EFCAB8: variants seen among roughly 807,000 people sequenced by gnomAD.
EFCAB8 encodes the protein EF-hand calcium binding domain 8, also known as EF-hand calcium-binding domain-containing protein 8.
Under a neutral mutation model 116.3 loss-of-function variants are expected in EFCAB8, and 100 were observed. The ratio of observed to expected loss-of-function variants is 0.86; its 90% CI spans 0.73 to 1.02. EFCAB8 has a LOEUF of 1.02. EFCAB8 is among the 50% of genes least tolerant of loss of function. The probability of loss-of-function intolerance (pLI) is 0.00; values close to 1 mark genes in which losing one functional copy is unlikely to be tolerated. For synonymous variants in EFCAB8, 558 were observed against 567.9 expected, an observed-to-expected ratio of 0.98 and a Z score of 0.25; for missense variants, 1,320 against 1,416.9, an observed-to-expected ratio of 0.93 and a Z score of 1.10.
At chr20:32,893,751 C>G (rs2146214078) in intron 9 of EFCAB8, among the ~76,000 whole-genome samples, 1 of 152,232 alleles carries the variant, frequency 6.6e-6, no homozygotes, top group East Asian at 1.9e-4. Context: ...CTCTGTGGAG[C>G]CTGGGCATGG....
chr20:32,861,369 A>G lies in EFCAB8; in HGVS notation c.-11+2363A>G, dbSNP rs1984105984. Among the ~76,000 whole-genome samples, 3 of 151,984 alleles carry G rather than the reference A, an allele frequency of 2.0e-5. No individual in the cohort carries two copies. The South Asian group carries it at 6.3e-4, about 32-fold the overall frequency. On this transcript the variant is annotated intron_variant, in intron 1 of 26. Transcript: ENST00000400522. ...AATGGCACAATCTCGGCTCACCGCA[A>G]CCTCCGCCTCCTGGATTCAAGCAGT...
Position 32,920,133 on chromosome 20 carries a change from A to G in EFCAB8, c.2330A>G (p.Gln777Arg), listed in dbSNP as rs1393819359. Reference sequence around the variant, plus strand: ...CAGTCAAGCAAGATCCACAGCAAACAGTCCATTTACAAAGAGGATGAAACG... The same window carrying G: ...CAGTCAAGCAAGATCCACAGCAAACGGTCCATTTACAAAGAGGATGAAACG... ...SRQSSKIHSK[Q>R]SIYKEDETRK... The change falls in exon 20 of 27, where the codon CAG becomes CGG. Residue 777 changes from glutamine (Q) to arginine (R), a missense_variant. By Grantham distance (43) the Gln-to-Arg change is conservative. Coordinates refer to ENST00000400522, the MANE Select transcript of EFCAB8 (RefSeq NM_001143967.2). 1 of 1,551,630 alleles carries G rather than the reference A, an allele frequency of 6.4e-7. No individual in the cohort carries two copies. The highest frequency in any genetic ancestry group is 8.7e-7 in the Non-Finnish European group (1 of 1,147,012).
At chr20:32,932,941 G>GTC (rs1465769556) in intron 22 of EFCAB8, among the ~76,000 whole-genome samples, 6 of 152,148 alleles carry the variant, frequency 3.9e-5, no homozygotes, top group African/African-American at 1.4e-4. Context: ...ATATTAAAAT[G>GTC]TCTTGGGAAC....
At chr20:32,948,277 C>G (rs777149403) in intron 23 of EFCAB8, among the ~76,000 whole-genome samples, 6 of 152,058 alleles carry the variant, frequency 3.9e-5, no homozygotes, top group Non-Finnish European at 7.4e-5. Context: ...AAATCTTACA[C>G]AAGAAGAAAC....
At chr20:32,919,086 C>T (rs1381571016) in intron 19 of EFCAB8, among the ~76,000 whole-genome samples, 1 of 152,268 alleles carries the variant, frequency 6.6e-6, no homozygotes, top group African/African-American at 2.4e-5. Context: ...TTCTATTTTG[C>T]GGGGAGTAGG....
At chr20:32,957,318 TAA>T (rs1182001929) in intron 23 of EFCAB8, among the ~76,000 whole-genome samples, 14 of 143,530 alleles carry the variant, frequency 9.8e-5, no homozygotes, top group African/African-American at 3.6e-4. Flanking sequence ...AAAATAAAAT[TAA>T]AAAAAAAAAA....
intron 4 of EFCAB8, among the ~76,000 whole-genome samples, chr20:32,877,454 C>T (rs1257990147): frequency 1.3e-5 from 2 of 152,186 alleles, no homozygotes; most frequent in Non-Finnish European, 2.9e-5. Flanking sequence ...GGTAATCCAC[C>T]TGCCTCAGCC....
intron 6 of EFCAB8, among the ~76,000 whole-genome samples, 175 bp from the exon 7 acceptor site, chr20:32,889,126 C>T (rs1362079939): frequency 2.0e-5 from 3 of 151,940 alleles, no homozygotes; most frequent in Admixed American, 1.3e-4. Context: ...AAACTGAGAC[C>T]CAGGGAGGCT....
Position 32,908,308 on chromosome 20 carries a change from T to C in EFCAB8, c.1342T>C (p.Cys448Arg). ...CGTGTGGGACATGCTGGACTACATA[T>C]GCCTCCAGTCCTTCTGTGGGAAGTT... is the stretch of plus-strand genomic sequence containing the variant. ...IRVWDMLDYICLQSFCGKFFA... is the reference protein window; with the variant it reads ...IRVWDMLDYIRLQSFCGKFFA... The change falls in exon 14 of 27, where the codon TGC (cysteine) becomes CGC (arginine). Residue 448 changes from cysteine to arginine, a missense_variant. Transcript: ENST00000400522. The C allele has an allele frequency of 8.0e-7, 1 of 1,249,998 alleles. No homozygotes were observed. The allele number at this position is 1,249,998 out of a possible 1,614,324, so 77.4% of individuals were successfully genotyped here.
rs755666347 is a variant in EFCAB8 at position 32,858,978 on chromosome 20, AT to A, written c.-37del. Reference sequence around the variant, plus strand: ...CACTTTGCCAGACTTTGCCAGCAAGATTAACTGAGGAGATCAAATTGAGTCA... The same window carrying A: ...CACTTTGCCAGACTTTGCCAGCAAGATAACTGAGGAGATCAAATTGAGTCA... On this transcript the variant is annotated 5_prime_UTR_variant, in exon 1 of 27. Coordinates refer to ENST00000400522, the MANE Select transcript of EFCAB8 (RefSeq NM_001143967.2). The A allele has an allele frequency of 2.3e-4, 109 of 471,150 alleles. No homozygotes were observed. Among genetic ancestry groups the A allele is most frequent in the African/African-American group, 2.0e-3 (100 of 50,194 alleles). 29.2% of individuals were successfully genotyped at this position (471,150 alleles called of 1,614,324 possible). A position where few individuals can be genotyped will look rare whatever the true frequency, so the allele number is the denominator to read the frequency against.
chr20:32,885,564 G>C lies in EFCAB8; in HGVS notation c.491G>C (p.Gly164Ala). The C allele has an allele frequency of 1.9e-6, 3 of 1,551,744 alleles. No homozygotes were observed. The highest frequency in any genetic ancestry group is 2.6e-6 in the Non-Finnish European group (3 of 1,147,014). ...TTAATCCACCGGTTCAAGAAGATCG[G>C]GTGTTTCCTGACTGTCACCAAAGAC... ...VFLIHRFKKI[G>A]CFLTVTKDGI... Residue 164 changes from glycine to alanine, a missense_variant, in exon 6 of 27, where the codon GGG becomes GCG. Gly to Ala is a moderately conservative substitution (Grantham distance 60, BLOSUM62 0). Coordinates refer to ENST00000400522, the MANE Select transcript of EFCAB8 (RefSeq NM_001143967.2).
chr20:32,892,244 C>T lies in EFCAB8; in HGVS notation c.705C>T (p.Val235=). 1 of 1,551,694 alleles carries T rather than the reference C, an allele frequency of 6.4e-7. No individual in the cohort carries two copies. The highest frequency in any genetic ancestry group is 8.7e-7 in the Non-Finnish European group (1 of 1,146,994). ...TTGATATTAGTGACCACAAATGTGT[C>T]CGGGCCTTCACCTTTGTTGATCTGG... ...DFFDISDHKC[V]RAFTFVDLDS... is the part of the protein sequence containing the mutation. The change falls in exon 8 of 27, where the codon GTC becomes GTT. Residue 235 remains valine, a synonymous_variant. Transcript: ENST00000400522.
At chr20:32,861,476 A>G (rs1984111923) in intron 1 of EFCAB8, among the ~76,000 whole-genome samples, 1 of 152,122 alleles carries the variant, frequency 6.6e-6, no homozygotes, top group African/African-American at 2.4e-5. Context: ...TTTAGTGGAG[A>G]TGGGATTTCT....
chr20:32,892,121 A>G, intron 7 of EFCAB8, 92 bp from the exon 8 acceptor site: 1 of 1,154,324 alleles, frequency 8.7e-7, no homozygotes, highest in Non-Finnish European at 1.3e-6. Flanking sequence ...GGGGCCAGAG[A>G]TTCCTTGGGA....
At position 32,952,223 on chromosome 20, in the gene EFCAB8, C is replaced by G. The variant is rs536583676; in HGVS notation, c.2960-6198C>G. Among the ~76,000 whole-genome samples the G allele has an allele frequency of 3.9e-5, 6 of 152,080 alleles. No individual in the cohort carries two copies. In the South Asian group the frequency reaches 1.2e-3, roughly 32 times the overall value. ...GAAGATGCAGTAATCTGTGATTGAG[C>G]CACTGCACTACAGCCTGGGCAACAG... On this transcript the variant is annotated intron_variant, in intron 23 of 26. Transcript: ENST00000400522.
Position 32,879,614 on chromosome 20 carries a change from A to G in EFCAB8, c.431+807A>G, listed in dbSNP as rs186544715. The stretch of plus-strand genomic sequence containing the variant: ...AGAAACAGATAACCTGAGGGTTTTC[A>G]TGCTAGGTTCAATGGAGGGTGGAAA... On this transcript the variant is annotated intron_variant, in intron 5 of 26. Coordinates refer to ENST00000400522, the MANE Select transcript of EFCAB8 (RefSeq NM_001143967.2). Among the ~76,000 whole-genome samples the G allele has an allele frequency of 4.4e-4, 67 of 152,272 alleles. No individual in the cohort carries two copies. In the East Asian group the frequency reaches 0.012, roughly 28 times the overall value.
chr20:32,927,560 G>A (rs1192120615), intron 20 of EFCAB8, among the ~76,000 whole-genome samples: 1 of 152,112 alleles, frequency 6.6e-6, no homozygotes. Context: ...GGTCAGGCTG[G>A]TCTTGAACTC....
intron 22 of EFCAB8, among the ~76,000 whole-genome samples, chr20:32,934,191 C>T (rs1988017552): frequency 6.6e-6 from 1 of 152,088 alleles, no homozygotes; most frequent in Non-Finnish European, 1.5e-5. Context: ...TATATAAATA[C>T]AATCATGCAG....
In EFCAB8 at chr20:32,887,635, C is replaced by T. The variant is rs1329509530; in HGVS notation, c.568-1666C>T. On this transcript the variant is annotated intron_variant, in intron 6 of 26. Coordinates refer to ENST00000400522, the MANE Select transcript of EFCAB8 (RefSeq NM_001143967.2). ...GCCACACCTACCTCATCTCTGGTTC[C>T]TCTCCAACTCTAAGCCGAGTGGGCT... 2.0e-5 allele frequency among the ~76,000 whole-genome samples: 3 copies of T among 152,214 alleles called. No individual in the cohort carries two copies. The East Asian group carries it at 5.8e-4, about 29-fold the overall frequency.
Sources: gnomAD v4.1 joint callset for allele counts (sites outside exome capture counted in the v4.1 genomes callset) on GRCh38, gnomAD v4.1.1 for gene constraint, MANE v1.5 for transcripts, NCBI Gene and HGNC (gene_info 2026-07-23, HGNC 2026-07-21) for gene names.